Variants in SLC17A4 observed in about 807,000 individuals in gnomAD.
The protein encoded by SLC17A4 is solute carrier family 17 member 4.
A neutral mutation model predicts 52.5 loss-of-function variants in SLC17A4; 33 were observed. The ratio of observed to expected loss-of-function variants is 0.63; its 90% confidence interval spans 0.48 to 0.84. The LOEUF is 0.84. SLC17A4 is among the 40% of genes least tolerant of loss of function. The probability of loss-of-function intolerance (pLI) is 0.00; values close to 1 mark genes in which losing one functional copy is unlikely to be tolerated. For synonymous variants in SLC17A4, 225 were observed against 216.2 expected (o/e 1.04, Z -0.36); for missense variants, 585 against 597.1 (o/e 0.98, Z 0.21).
At chr6:25,777,844 T>C in intron 10 of SLC17A4, 82 bp from the exon 11 acceptor site, 1 of 1,127,414 alleles carries the variant, frequency 8.9e-7, no homozygotes, top group South Asian at 1.3e-5. Context: ...TGCACAGGAA[T>C]ATTTGCCTCC....
In SLC17A4 at chr6:25,780,933, C is replaced by A. The variant is rs377601620; in HGVS notation, c.*1745C>A. On this transcript the variant is annotated 3_prime_UTR_variant, in exon 12 of 12. Coordinates refer to ENST00000377905, the MANE Select transcript of SLC17A4 (RefSeq NM_005495.3). ...ATGGGGATGCCTCTAACACAGACAG[C>A]AACACAGATAGCAATTATATCCAAG... 1.3e-5 allele frequency: 2 copies of A among 152,138 alleles called. No homozygotes were observed. Among genetic ancestry groups the A allele is most frequent in the Non-Finnish European group, 1.5e-5 (1 of 68,034 alleles). The allele number at this position is 152,138 out of a possible 1,614,324, so 9.4% of individuals were successfully genotyped here.
chr6:25,779,879 C>T lies in SLC17A4; in HGVS notation c.*691C>T, dbSNP rs1202037742. The T allele has an allele frequency of 1.3e-5, 2 of 152,136 alleles. No homozygotes were observed. Among genetic ancestry groups the T allele is most frequent in the East Asian group, 1.9e-4 (1 of 5,186 alleles). The allele number at this position is 152,136 out of a possible 1,614,324, so 9.4% of individuals were successfully genotyped here. ...TGCAGATCTTTAACATGTTAGTGAA[C>T]AGACATTGCCCAGTGTCTCTTCTAG... On this transcript the variant is annotated 3_prime_UTR_variant, in exon 12 of 12. Transcript: ENST00000377905.
At chr6:25,759,948 AC>A (rs1761388866) in intron 1 of SLC17A4, among the ~76,000 whole-genome samples, 1 of 152,206 alleles carries the variant, frequency 6.6e-6, no homozygotes, top group South Asian at 2.1e-4. Flanking sequence ...TTTTGCTTTT[AC>A]AAATATTGCT....
At position 25,779,529 on chromosome 6, in the gene SLC17A4, C is replaced by T. The variant is rs1178059596; in HGVS notation, c.*341C>T. 1 of 207,204 alleles carries T rather than the reference C, an allele frequency of 4.8e-6. No individual in the cohort carries two copies. The highest frequency in any genetic ancestry group is 9.6e-6 in the Non-Finnish European group (1 of 104,296). The allele number at this position is 207,204 out of a possible 1,614,324, so 12.8% of individuals were successfully genotyped here. A position where few individuals can be genotyped will look rare whatever the true frequency, so the allele number is the denominator to read the frequency against. On this transcript the variant is annotated 3_prime_UTR_variant, in exon 12 of 12. Coordinates refer to ENST00000377905, the MANE Select transcript of SLC17A4 (RefSeq NM_005495.3). ...ACTGAGAATCACAAGGGAGTTGCGC[C>T]CAACATGCAGAACATGAATCCTCTG...
At chr6:25,778,539 T>C (rs1763128127) in intron 11 of SLC17A4, among the ~76,000 whole-genome samples, 1 of 152,194 alleles carries the variant, frequency 6.6e-6, no homozygotes, top group Admixed American at 6.5e-5. Flanking sequence ...CATTCATTCA[T>C]TCAATAAATA....
intron 6 of SLC17A4, 128 bp downstream of exon 6, chr6:25,771,140 C>A: frequency 1.4e-6 from 1 of 739,166 alleles, no homozygotes; most frequent in Non-Finnish European, 2.3e-6. Flanking sequence ...TCAGAGCCAA[C>A]TACATTTAAC....
At chr6:25,768,287 G>T (rs1486611557) in intron 2 of SLC17A4, 2 of 771,064 alleles carry the variant, frequency 2.6e-6, no homozygotes, top group Middle Eastern at 6.6e-4. Flanking sequence ...CAAGAAAATG[G>T]CATCTTCATA....
rs1762262981 is a variant in SLC17A4, at chr6:25,769,134, C to T, written c.241C>T (p.Pro81Ser). 6 of 1,613,944 alleles carry T rather than the reference C, an allele frequency of 3.7e-6. No homozygotes were observed. Among genetic ancestry groups the T allele is most frequent in the Non-Finnish European group, 5.1e-6 (6 of 1,179,888 alleles). The change falls in exon 3 of 12, where the codon CCC (proline) becomes TCC (serine). Residue 81 changes from proline (P) to serine (S), a missense_variant. By Grantham distance (74) the Pro-to-Ser change is moderately conservative. Transcript: ENST00000377905. ...PSQPNASTERPSTDSQGYWNE... is the reference protein window; with the variant it reads ...PSQPNASTERSSTDSQGYWNE... ...CCAGCCCAATGCTTCCACAGAACGG[C>T]CCTCCACTGACTCCCAGGGCTACTG...
At chr6:25,764,601 G>A (rs1270836373) in intron 2 of SLC17A4, among the ~76,000 whole-genome samples, 3 of 152,198 alleles carry the variant, frequency 2.0e-5, no homozygotes, top group Non-Finnish European at 4.4e-5. Context: ...CCATCCTTGA[G>A]GCAGGGTGCA....
intron 2 of SLC17A4, among the ~76,000 whole-genome samples, chr6:25,765,834 AT>A (rs1380025531): frequency 2.0e-5 from 3 of 152,144 alleles, no homozygotes; most frequent in Admixed American, 2.0e-4. Context: ...CTTATAGAAA[AT>A]AATGTGAACT....
At chr6:25,770,587 T>A in intron 5 of SLC17A4, 116 bp downstream of exon 5, 1 of 928,142 alleles carries the variant, frequency 1.1e-6, no homozygotes. Flanking sequence ...GTCCTTTCCT[T>A]AAAGCACTAC....
chr6:25,777,655 A>G (rs1412837253), intron 10 of SLC17A4: 1 of 327,030 alleles, frequency 3.1e-6, no homozygotes. Flanking sequence ...CATCTTGCAT[A>G]AACAATGTTG....
In SLC17A4 at chr6:25,781,156, C is replaced by T. The variant is rs1763257458; in HGVS notation, c.*1968C>T. On this transcript the variant is annotated 3_prime_UTR_variant, in exon 12 of 12. Coordinates refer to ENST00000377905, the MANE Select transcript of SLC17A4 (RefSeq NM_005495.3). ...TTAAAGAATTCCAGTATTTAATGGT[C>T]AGCTGGAGGATGATTAGCAGAAAGA... The T allele has an allele frequency of 6.9e-6, 1 of 144,284 alleles. No individual in the cohort carries two copies. Among genetic ancestry groups the T allele is most frequent in the Non-Finnish European group, 1.5e-5 (1 of 66,888 alleles). The allele number at this position is 144,284 out of a possible 1,614,324, so 8.9% of individuals were successfully genotyped here.
chr6:25,755,819 C>T (rs760911675), intron 1 of SLC17A4, among the ~76,000 whole-genome samples: 2 of 152,182 alleles, frequency 1.3e-5, no homozygotes, highest in African/African-American at 4.8e-5. Flanking sequence ...TCCTCTGGAA[C>T]CTGTTGCCCT....
At chr6:25,759,866 C>G (rs1048844095) in intron 1 of SLC17A4, among the ~76,000 whole-genome samples, 1 of 152,144 alleles carries the variant, frequency 6.6e-6, no homozygotes, top group African/African-American at 2.4e-5. Flanking sequence ...TCTTTGATAG[C>G]TGTATAGTAT....
At chr6:25,764,875 A>G (rs776659571) in intron 2 of SLC17A4, among the ~76,000 whole-genome samples, 37 of 152,238 alleles carry the variant, frequency 2.4e-4, no homozygotes, top group African/African-American at 5.3e-4. Flanking sequence ...GCAGAAATCA[A>G]CTTGGAAATT....
chr6:25,762,515 G>A (rs1292284868), intron 2 of SLC17A4, among the ~76,000 whole-genome samples: 1 of 152,012 alleles, frequency 6.6e-6, no homozygotes. Flanking sequence ...TTTATAATAT[G>A]CATTAAGGGA....
Position 25,769,262 on chromosome 6 carries a change from G to T in SLC17A4, c.297+72G>T, listed in dbSNP as rs991723960. ...GACTTAAAGAGTTATAAAAGAGTGAGATTCATTTAACCACTAAGTATTTAC... is the reference window on the plus strand; with the variant it reads ...GACTTAAAGAGTTATAAAAGAGTGATATTCATTTAACCACTAAGTATTTAC... On this transcript the variant is annotated intron_variant, in intron 3 of 11. Transcript: ENST00000377905. 4.4e-6 allele frequency: 6 copies of T among 1,371,898 alleles called. No individual in the cohort carries two copies. The African/African-American group carries it at 8.6e-5, about 20-fold the overall frequency. The allele number at this position is 1,371,898 out of a possible 1,614,324, so 85.0% of individuals were successfully genotyped here.
intron 11 of SLC17A4, among the ~76,000 whole-genome samples, 196 bp from the exon 12 acceptor site, chr6:25,778,858 T>C (rs995310718): frequency 2.0e-5 from 3 of 152,118 alleles, no homozygotes; most frequent in Non-Finnish European, 2.9e-5. Flanking sequence ...AGGAGGAGCG[T>C]TCCAGCCAAG....
Sources: gnomAD v4.1 joint callset for allele counts (sites outside exome capture counted in the v4.1 genomes callset) on GRCh38, gnomAD v4.1.1 for gene constraint, MANE v1.5 for transcripts, NCBI Gene and HGNC (gene_info 2026-07-23, HGNC 2026-07-21) for gene names.